The following CYB5A variants were observed in gnomAD, a reference collection of about 807,000 sequenced individuals.
CYB5A encodes the protein cytochrome b5 type A.
A neutral mutation model predicts 16.2 loss-of-function variants in CYB5A; 10 were observed. The ratio of observed to expected loss-of-function variants is 0.62; its 90% CI spans 0.38 to 1.04. The LOEUF is 1.04. Among genes scored for constraint, CYB5A ranks in the 50% least tolerant of loss-of-function variants. The pLI is 0.01. For missense variants in CYB5A, 161 were observed against 165.9 expected, an observed-to-expected ratio of 0.97 and a Z score of 0.16; for synonymous variants, 62 against 57.0, an observed-to-expected ratio of 1.09 and a Z score of -0.40.
chr18:74,278,684 G>C (rs1446328508), intron 1 of CYB5A, among the ~76,000 whole-genome samples: 1 of 152,230 alleles, frequency 6.6e-6, no homozygotes, highest in Non-Finnish European at 1.5e-5. Flanking sequence ...TTAAAGGTTA[G>C]TTAGGCCAAG....
intron 1 of CYB5A, among the ~76,000 whole-genome samples, chr18:74,281,426 A>G (rs937935076): frequency 3.9e-5 from 6 of 152,154 alleles, no homozygotes; most frequent in Non-Finnish European, 8.8e-5. Context: ...GGGCCCTCCA[A>G]TAAGGAGGTC....
chr18:74,255,757 T>C lies in CYB5A; in HGVS notation c.307A>G (p.Ile103Val). The C allele has an allele frequency of 1.2e-6, 2 of 1,612,342 alleles. No homozygotes were observed. The highest frequency in any genetic ancestry group is 1.7e-6 in the Non-Finnish European group (2 of 1,178,428). Residue 103 changes from isoleucine to valine, a missense_variant, in exon 4 of 5, where the codon ATT (isoleucine) becomes GTT (valine). Transcript: ENST00000340533. ...ACCACATACCTGGAACTAGAATCAA[T>C]AGTAGTGATAAGAGTTTCCTGAAAC... is the stretch of plus-strand genomic sequence containing the variant. Reference protein sequence around the residue: ...NKPPETLITTIDSSSSWWTNW... With the variant: ...NKPPETLITTVDSSSSWWTNW...
At chr18:74,254,177 CA>C (rs1981875654) in intron 4 of CYB5A, among the ~76,000 whole-genome samples, 1 of 152,052 alleles carries the variant, frequency 6.6e-6, no homozygotes, top group South Asian at 2.1e-4. Context: ...GAGACTGTCT[CA>C]AAAACAAACT....
At chr18:74,261,994 C>T (rs902709240) in intron 2 of CYB5A, among the ~76,000 whole-genome samples, 3 of 152,182 alleles carry the variant, frequency 2.0e-5, no homozygotes, top group African/African-American at 7.2e-5. Flanking sequence ...GCTGAGTGTG[C>T]GGCCCCAGGA....
At chr18:74,259,703 A>T (rs1253436482) in intron 3 of CYB5A, 2 of 129,522 alleles carry the variant, frequency 1.5e-5, no homozygotes, top group Non-Finnish European at 3.0e-5. Context: ...AACACATGAT[A>T]AAAAAAATAT....
intron 3 of CYB5A, chr18:74,260,575 A>T (rs1982158911): frequency 2.6e-6 from 1 of 383,358 alleles, no homozygotes; most frequent in African/African-American, 2.1e-5. Context: ...ATCCATTCAG[A>T]TTTTAAGTTC....
rs1203393670 is a variant in CYB5A at position 74,253,196 on chromosome 18, C to G, written c.*388G>C. ...TTTCCCGCACCTCCAGTCATATGGC[C>G]TCTGTGGGTCTGGATGAGTAACACA... is the stretch of plus-strand genomic sequence containing the variant. On this transcript the variant is annotated 3_prime_UTR_variant, in exon 5 of 5. Transcript: ENST00000340533. 2 of 281,396 alleles carry G rather than the reference C, an allele frequency of 7.1e-6. No homozygotes were observed. The highest frequency in any genetic ancestry group is 1.4e-5 in the Non-Finnish European group (2 of 145,162). 17.4% of individuals were successfully genotyped at this position (281,396 alleles called of 1,614,324 possible).
rs140975790 is a variant in CYB5A at position 74,269,701 on chromosome 18, C to A, written c.130-6224G>T. Among the ~76,000 whole-genome samples the A allele has an allele frequency of 1.7e-4, 26 of 152,284 alleles. No individual in the cohort carries two copies. In the East Asian group the frequency reaches 5.0e-3, roughly 29 times the overall value. On this transcript the variant is annotated intron_variant, in intron 1 of 4. Coordinates refer to ENST00000340533, the MANE Select transcript of CYB5A (RefSeq NM_148923.4). Reference sequence around the variant, plus strand: ...CAAGTTTTATTCCTCTTTCTTTCTTCATCTATTCCATCAGCCAATCCAGTT... The same window carrying A: ...CAAGTTTTATTCCTCTTTCTTTCTTAATCTATTCCATCAGCCAATCCAGTT...
rs149964359 is a variant in CYB5A at position 74,279,592 on chromosome 18, G to A, written c.129+12155C>T. ...CAAAAGAGATAATAGAATAGCCTAC[G>A]CTCAGCCCAGAGGTGGAAAGAAAGC... On this transcript the variant is annotated intron_variant, in intron 1 of 4. Coordinates refer to ENST00000340533, the MANE Select transcript of CYB5A (RefSeq NM_148923.4). 2.3e-3 allele frequency among the ~76,000 whole-genome samples: 356 copies of A among 152,134 alleles called. 1 individual carries two copies. Among genetic ancestry groups the A allele is most frequent in the African/African-American group, 8.2e-3 (339 of 41,554 alleles).
At chr18:74,263,261 A>G in intron 2 of CYB5A, 88 bp downstream of exon 2, 1 of 1,560,770 alleles carries the variant, frequency 6.4e-7, no homozygotes, top group East Asian at 2.2e-5. Context: ...TCCTTTTAAA[A>G]TGTGTATACA....
At chr18:74,268,512 T>C (rs1982537644) in intron 1 of CYB5A, among the ~76,000 whole-genome samples, 1 of 151,928 alleles carries the variant, frequency 6.6e-6, no homozygotes, top group Admixed American at 6.6e-5. Context: ...AGGATCTAAG[T>C]GGGGGAGGTA....
intron 1 of CYB5A, among the ~76,000 whole-genome samples, chr18:74,264,844 G>T (rs1282057611): frequency 9.9e-5 from 15 of 152,170 alleles, no homozygotes. Context: ...TTAGTCACAG[G>T]ACAGAGGTAA....
At chr18:74,279,743 G>C (rs184776175) in intron 1 of CYB5A, among the ~76,000 whole-genome samples, 1 of 152,124 alleles carries the variant, frequency 6.6e-6, no homozygotes, top group African/African-American at 2.4e-5. Context: ...TGAGACAAAG[G>C]AGAAATAAAA....
intron 3 of CYB5A, chr18:74,260,518 A>T (rs1202216486): frequency 3.2e-6 from 1 of 316,442 alleles, no homozygotes; most frequent in African/African-American, 2.2e-5. Flanking sequence ...CTTAAAGATG[A>T]AGAAGACATG....
chr18:74,282,512 T>C (rs1295319250), intron 1 of CYB5A, among the ~76,000 whole-genome samples: 17 of 152,100 alleles, frequency 1.1e-4, no homozygotes, highest in Non-Finnish European at 2.2e-4. Context: ...GCACCGGACA[T>C]GGGCCAGGTG....
chr18:74,283,659 T>A (rs2063111423), intron 1 of CYB5A, among the ~76,000 whole-genome samples: 1 of 152,186 alleles, frequency 6.6e-6, no homozygotes, highest in Non-Finnish European at 1.5e-5. Flanking sequence ...GTGATCAAGG[T>A]CTCCAGCAAA....
Position 74,255,727 on chromosome 18 carries a change from A to C in CYB5A, c.323+14T>G. 1 of 1,610,940 alleles carries C rather than the reference A, an allele frequency of 6.2e-7. No homozygotes were observed. The highest frequency in any genetic ancestry group is 8.5e-7 in the Non-Finnish European group (1 of 1,177,086). On this transcript the variant is annotated intron_variant, in intron 4 of 4. Coordinates refer to ENST00000340533, the MANE Select transcript of CYB5A (RefSeq NM_148923.4). ...TCCCACCCACTACTGCTTTAAAAGA[A>C]AGCTACCACATACCTGGAACTAGAA...
At chr18:74,264,461 G>T (rs1276409121) in intron 1 of CYB5A, among the ~76,000 whole-genome samples, 1 of 144,098 alleles carries the variant, frequency 6.9e-6, no homozygotes, top group Non-Finnish European at 1.5e-5. Context: ...TCAAGAGCTG[G>T]CATGCCTAAG....
intron 1 of CYB5A, among the ~76,000 whole-genome samples, chr18:74,269,885 T>C (rs1982603935): frequency 6.6e-6 from 1 of 152,160 alleles, no homozygotes; most frequent in Non-Finnish European, 1.5e-5. Flanking sequence ...AAGCTGATTA[T>C]GGTACCCTGG....
Sources: gnomAD v4.1 joint callset for allele counts (sites outside exome capture counted in the v4.1 genomes callset) on GRCh38, gnomAD v4.1.1 for gene constraint, MANE v1.5 for transcripts, NCBI Gene and HGNC (gene_info 2026-07-23, HGNC 2026-07-21) for gene names.